SLC25A53: variants seen among roughly 807,000 people sequenced by gnomAD.
SLC25A53 encodes the protein solute carrier family 25 member 53.
SLC25A53 carries 5 observed loss-of-function variants against 15.0 expected under a neutral mutation model. That is an observed-to-expected ratio of 0.33 (90% CI 0.17 to 0.70). SLC25A53 has a LOEUF of 0.70. Among genes scored for constraint, SLC25A53 ranks in the 30% least tolerant of loss-of-function variants. The pLI is 0.67. For synonymous variants in SLC25A53, 95 were observed against 100.0 expected (o/e 0.95, Z 0.30); for missense variants, 216 against 241.6 (o/e 0.89, Z 0.70).
At chrX:104,154,336 T>C (rs7886270) in intron 1 of SLC25A53, among the ~76,000 whole-genome samples, 2,182 of 112,056 alleles carry the variant, frequency 0.019, 63 homozygotes, top group African/African-American at 0.068. Context: ...AGGTGAAAGA[T>C]AACAGGCCAG....
chrX:104,146,113 T>C (rs1556368778), intron 1 of SLC25A53, among the ~76,000 whole-genome samples: 3 of 111,807 alleles, frequency 2.7e-5, no homozygotes, highest in African/African-American at 6.5e-5. Context: ...TCCACTACAA[T>C]CAAGTCGGCT....
intron 1 of SLC25A53, among the ~76,000 whole-genome samples, chrX:104,125,151 C>T (rs1201404075): frequency 9.0e-6 from 1 of 111,110 alleles, no homozygotes; most frequent in Non-Finnish European, 1.9e-5. Flanking sequence ...GGCCAAAAAA[C>T]AACTTTCAAA....
At chrX:104,114,363 G>A in intron 1 of SLC25A53, 1 of 1,211,807 alleles carries the variant, frequency 8.3e-7, no homozygotes, top group Non-Finnish European at 1.1e-6. Context: ...AAAAACTCAA[G>A]CGCTTGATGA....
chrX:104,145,669 T>C (rs1298779694), intron 1 of SLC25A53, among the ~76,000 whole-genome samples: 1 of 112,317 alleles, frequency 8.9e-6, no homozygotes, highest in South Asian at 3.7e-4. Flanking sequence ...CATCAGAGAA[T>C]ACTATAAACA....
intron 1 of SLC25A53, among the ~76,000 whole-genome samples, chrX:104,131,889 C>T (rs782724905): frequency 7.2e-5 from 8 of 111,725 alleles, no homozygotes; most frequent in Non-Finnish European, 1.5e-4. Flanking sequence ...AAGCTTAATT[C>T]GTCTTCCTTA....
In SLC25A53 at chrX:104,140,322, C is replaced by CGTGTGTGTGTGT. The variant is rs55930796; in HGVS notation, c.-32+16544_-32+16555dup. ...TGTCTTTTTTGTAGAGACAGGATTC[C>CGTGTGTGTGTGT]GTGTGTGTGTGTGTGTGTGTGTGTG... On this transcript the variant is annotated intron_variant, in intron 1 of 1. Transcript: ENST00000594199. Among the ~76,000 whole-genome samples, 73 of 100,923 alleles carry CGTGTGTGTGTGT rather than the reference C, an allele frequency of 7.2e-4. 1 individual carries two copies. Among genetic ancestry groups the CGTGTGTGTGTGT allele is most frequent in the East Asian group, 3.2e-3 (10 of 3,135 alleles). The allele number at this position is 100,923 out of a possible 115,157, so 87.6% of individuals were successfully genotyped here. A position where few individuals can be genotyped will look rare whatever the true frequency, so the allele number is the denominator to read the frequency against.
intron 1 of SLC25A53, among the ~76,000 whole-genome samples, chrX:104,105,557 G>A (rs1228336821): frequency 8.9e-6 from 1 of 112,167 alleles, no homozygotes; most frequent in Non-Finnish European, 1.9e-5. Context: ...AAAGGATTAC[G>A]ACTGAAAAAC....
rs1491234475 is a variant in SLC25A53, at chrX:104,153,262, A to ATAT, written c.-32+3615_-32+3616insATA. 3.8e-3 allele frequency among the ~76,000 whole-genome samples: 319 copies of ATAT among 83,316 alleles called. 3 individuals are homozygous for ATAT. Among genetic ancestry groups the ATAT allele is most frequent in the Non-Finnish European group, 4.8e-3 (199 of 41,179 alleles). The allele number at this position is 83,316 out of a possible 115,157, so 72.3% of individuals were successfully genotyped here. A position where few individuals can be genotyped will look rare whatever the true frequency, so the allele number is the denominator to read the frequency against. ...AGAGTGTGTGTATATATATATATATATTTTTTTTTTCTCATATGGAAAACA... is the reference window on the plus strand; with the variant it reads ...AGAGTGTGTGTATATATATATATATATATTTTTTTTTTTCTCATATGGAAAACA... On this transcript the variant is annotated intron_variant, in intron 1 of 1. Transcript: ENST00000594199.
chrX:104,116,972 C>T (rs1487573060), intron 1 of SLC25A53, among the ~76,000 whole-genome samples: 2 of 107,132 alleles, frequency 1.9e-5, no homozygotes, highest in East Asian at 6.0e-4. Flanking sequence ...AATCTATATC[C>T]TCACAGTCTC....
chrX:104,118,435 C>T lies in SLC25A53; in HGVS notation c.-31-13147G>A, dbSNP rs782283169. Among the ~76,000 whole-genome samples, 4 of 112,267 alleles carry T rather than the reference C, an allele frequency of 3.6e-5. No homozygotes were observed. In the South Asian group the frequency reaches 1.5e-3, roughly 42 times the overall value. On this transcript the variant is annotated intron_variant, in intron 1 of 1. Transcript: ENST00000594199. ...CCGAATATTCTTTCCCTTCCTGATC[C>T]TTCCACAATAGCAATAAAAATTAAA...
At chrX:104,105,330 T>C in intron 1 of SLC25A53, 42 bp from the exon 2 acceptor site, 6 of 926,487 alleles carry the variant, frequency 6.5e-6, no homozygotes, top group Non-Finnish European at 8.9e-6. Flanking sequence ...GACCAATTAA[T>C]TCTGTTGGCA....
At chrX:104,132,765 C>A (rs1291682470) in intron 1 of SLC25A53, among the ~76,000 whole-genome samples, 1 of 111,791 alleles carries the variant, frequency 8.9e-6, no homozygotes, top group African/African-American at 3.3e-5. Context: ...CAGGGTAGGC[C>A]CCAATCAATT....
At chrX:104,106,624 C>G (rs782596483) in intron 1 of SLC25A53, among the ~76,000 whole-genome samples, 1 of 111,356 alleles carries the variant, frequency 9.0e-6, no homozygotes, top group Non-Finnish European at 1.9e-5. Flanking sequence ...AATGGGGAAC[C>G]AGAGAGTCCA....
At chrX:104,124,555 C>T (rs782577715) in intron 1 of SLC25A53, among the ~76,000 whole-genome samples, 1 of 110,543 alleles carries the variant, frequency 9.0e-6, no homozygotes, top group South Asian at 3.9e-4. Flanking sequence ...CAAGACCAAC[C>T]TGGGCAACAC....
rs377743997 is a variant in SLC25A53 at position 104,105,142 on chromosome X, A to G, written c.116T>C (p.Phe39Ser). The G allele has an allele frequency of 7.5e-5, 91 of 1,210,753 alleles. No individual in the cohort carries two copies. The highest frequency in any genetic ancestry group is 4.9e-4 in the African/African-American group (28 of 57,327). ...QAYALGAVSNFMSTFLTFPIY... is the reference protein window; with the variant it reads ...QAYALGAVSNSMSTFLTFPIY... ...AGGAAAGGTCAGAAAAGTAGACATAAAGTTGGAAACGGCCCCAAGGGCATA... is the reference window on the plus strand; with the variant it reads ...AGGAAAGGTCAGAAAAGTAGACATAGAGTTGGAAACGGCCCCAAGGGCATA... The change falls in exon 2 of 2, where the codon TTT becomes TCT. Residue 39 changes from phenylalanine (F) to serine (S), a missense_variant. Transcript: ENST00000594199.
intron 1 of SLC25A53, among the ~76,000 whole-genome samples, chrX:104,131,621 T>C (rs1253679379): frequency 9.0e-6 from 1 of 111,650 alleles, no homozygotes; most frequent in Non-Finnish European, 1.9e-5. Flanking sequence ...CTAGCTTCTG[T>C]ATATCACCTT....
chrX:104,153,113 TG>T (rs1440993772), intron 1 of SLC25A53, among the ~76,000 whole-genome samples: 2 of 111,365 alleles, frequency 1.8e-5, no homozygotes, highest in Admixed American at 9.6e-5. Context: ...TTTCTGATTC[TG>T]TGTTCTAGAG....
At chrX:104,108,862 T>G (rs1352221856) in intron 1 of SLC25A53, among the ~76,000 whole-genome samples, 18 of 112,199 alleles carry the variant, frequency 1.6e-4, no homozygotes, top group African/African-American at 5.8e-4. Flanking sequence ...TAAATCATTG[T>G]GGGTAAACCA....
intron 1 of SLC25A53, among the ~76,000 whole-genome samples, chrX:104,126,630 G>A (rs1670849305): frequency 1.8e-5 from 2 of 111,334 alleles, no homozygotes; most frequent in African/African-American, 3.3e-5. Flanking sequence ...CAATCTGGGT[G>A]ACAGAGTGAG....
Sources: allele counts gnomAD v4.1 joint callset (sites outside exome capture counted in the v4.1 genomes callset), GRCh38; gene constraint gnomAD v4.1.1; transcripts MANE v1.5; gene names NCBI Gene and HGNC (gene_info 2026-07-23, HGNC 2026-07-21).